Variants in EXOC6B observed in about 807,000 individuals in gnomAD.
EXOC6B encodes SEC15 homolog B.
Under a neutral mutation model 113.5 loss-of-function variants are expected in EXOC6B, and 54 were observed. The observed-to-expected ratio is 0.48, with a 90% CI of 0.38 to 0.60. The LOEUF (loss-of-function observed/expected upper bound fraction) is 0.60. Among genes scored for constraint, EXOC6B ranks in the 20% least tolerant of loss-of-function variants. The probability of loss-of-function intolerance (pLI) is 0.00; values close to 1 mark genes in which losing one functional copy is unlikely to be tolerated. For synonymous variants in EXOC6B, 357 were observed against 339.0 expected, an observed-to-expected ratio of 1.05 and a Z score of -0.58; for missense variants, 797 against 977.5, an observed-to-expected ratio of 0.82 and a Z score of 2.46.
At chr2:72,443,555 G>A (rs2105338369) in intron 18 of EXOC6B, among the ~76,000 whole-genome samples, 1 of 152,184 alleles carries the variant, frequency 6.6e-6, no homozygotes, top group East Asian at 1.9e-4. Flanking sequence ...TCATTTTCAT[G>A]CTGCTGATAA....
rs1393401217 is a variant in EXOC6B, at chr2:72,568,215, T to C, written c.846+7277A>G. Among the ~76,000 whole-genome samples the C allele has an allele frequency of 5.3e-5, 8 of 152,060 alleles. No individual in the cohort carries two copies. In the East Asian group the frequency reaches 1.5e-3, roughly 29 times the overall value. On this transcript the variant is annotated intron_variant, in intron 7 of 21. Coordinates refer to ENST00000272427, the MANE Select transcript of EXOC6B (RefSeq NM_015189.3). ...CGAGATGTACCTGAACAGATGGATA[T>C]TAAGGGAGACTAAACAGACATAAAA...
At chr2:72,352,057 T>G (rs1178740561) in intron 19 of EXOC6B, among the ~76,000 whole-genome samples, 1 of 152,202 alleles carries the variant, frequency 6.6e-6, no homozygotes, top group Non-Finnish European at 1.5e-5. Context: ...TTCACCACAC[T>G]TGATGGGTAA....
chr2:72,750,762 A>C (rs973020082), intron 1 of EXOC6B, among the ~76,000 whole-genome samples: 1 of 152,100 alleles, frequency 6.6e-6, no homozygotes, highest in Non-Finnish European at 1.5e-5. Context: ...TTTTTAAAGT[A>C]GTCCCAGCAT....
chr2:72,215,253 G>T (rs1421373549), intron 20 of EXOC6B, among the ~76,000 whole-genome samples: 1 of 152,144 alleles, frequency 6.6e-6, no homozygotes, highest in Non-Finnish European at 1.5e-5. Flanking sequence ...GAGGTAGGAT[G>T]TTATGGAGGA....
At chr2:72,199,557 G>A (rs41392) in intron 20 of EXOC6B, among the ~76,000 whole-genome samples, 71,422 of 152,046 alleles carry the variant, frequency 0.47, 21,759 homozygotes, top group African/African-American at 0.87. Context: ...GAAACAGTGA[G>A]GTTTTAAATT....
intron 1 of EXOC6B, among the ~76,000 whole-genome samples, chr2:72,821,939 TA>T (rs1194549475): frequency 6.6e-6 from 1 of 152,206 alleles, no homozygotes; most frequent in Non-Finnish European, 1.5e-5. Flanking sequence ...TTTAAATGGG[TA>T]AATTGTATGA....
At chr2:72,555,766 C>A (rs914558614) in intron 8 of EXOC6B, among the ~76,000 whole-genome samples, 1 of 152,120 alleles carries the variant, frequency 6.6e-6, no homozygotes, top group African/African-American at 2.4e-5. Context: ...CCTGCCTCAG[C>A]CTCCTGAGTA....
At chr2:72,307,368 G>A (rs563776299) in intron 20 of EXOC6B, among the ~76,000 whole-genome samples, 10 of 151,826 alleles carry the variant, frequency 6.6e-5, no homozygotes, top group South Asian at 6.3e-4. Flanking sequence ...GGATGGTCTC[G>A]ATCTCCTGAC....
At chr2:72,482,645 G>A (rs650352) in intron 16 of EXOC6B, among the ~76,000 whole-genome samples, 21,724 of 152,042 alleles carry the variant, frequency 0.14, 1,984 homozygotes, top group African/African-American at 0.26. Context: ...CAAGCTGTAG[G>A]ATATTAAACA....
chr2:72,809,765 A>C (rs1685777101), intron 1 of EXOC6B, among the ~76,000 whole-genome samples: 1 of 152,210 alleles, frequency 6.6e-6, no homozygotes, highest in Admixed American at 6.5e-5. Flanking sequence ...AATCTGAAAT[A>C]AGAAACAGAT....
At chr2:72,397,669 T>A (rs1455473561) in intron 18 of EXOC6B, among the ~76,000 whole-genome samples, 4 of 120,242 alleles carry the variant, frequency 3.3e-5, no homozygotes, top group African/African-American at 1.9e-4. Context: ...ATTATATATA[T>A]ATACACTCAT....
At chr2:72,216,852 G>A (rs766552837) in intron 20 of EXOC6B, among the ~76,000 whole-genome samples, 2 of 152,022 alleles carry the variant, frequency 1.3e-5, no homozygotes, top group South Asian at 4.2e-4. Flanking sequence ...CCTGAACAAT[G>A]AGAACACATG....
Position 72,287,646 on chromosome 2 carries a change from A to G in EXOC6B, c.2196+47301T>C, listed in dbSNP as rs146126027. Among the ~76,000 whole-genome samples the G allele has an allele frequency of 5.9e-3, 891 of 152,110 alleles. 2 individuals carry two copies. Among genetic ancestry groups the G allele is most frequent in the South Asian group, 0.011 (53 of 4,822 alleles). ...TGCAGATCCTACAGATATTAAAAAT[A>G]TAATGAGAGAATATTATGAATGACT... On this transcript the variant is annotated intron_variant, in intron 20 of 21. Transcript: ENST00000272427.
intron 20 of EXOC6B, among the ~76,000 whole-genome samples, chr2:72,322,248 A>T (rs1687880332): frequency 6.6e-6 from 1 of 152,222 alleles, no homozygotes; most frequent in Admixed American, 6.5e-5. Flanking sequence ...ATAAAAAAGA[A>T]TGAACTATTG....
chr2:72,200,190 C>T (rs1042239371), intron 20 of EXOC6B, among the ~76,000 whole-genome samples: 7 of 152,158 alleles, frequency 4.6e-5, no homozygotes, highest in Admixed American at 1.3e-4. Flanking sequence ...AGCCACTGCA[C>T]CCGGCTTGAG....
At chr2:72,604,163 C>A (rs62150266) in intron 6 of EXOC6B, among the ~76,000 whole-genome samples, 3 of 152,100 alleles carry the variant, frequency 2.0e-5, no homozygotes, top group African/African-American at 4.8e-5. Flanking sequence ...GTGACTCTAA[C>A]AAACTTAGGA....
chr2:72,737,608 CTT>C (rs1409443139), intron 2 of EXOC6B, among the ~76,000 whole-genome samples: 1 of 152,146 alleles, frequency 6.6e-6, no homozygotes, highest in African/African-American at 2.4e-5. Flanking sequence ...AATCCCAGCA[CTT>C]TGAGAGGATG....
intron 8 of EXOC6B, among the ~76,000 whole-genome samples, chr2:72,545,717 T>C (rs1185370725): frequency 1.3e-5 from 2 of 152,190 alleles, no homozygotes; most frequent in South Asian, 4.1e-4. Flanking sequence ...TGTTAATATA[T>C]ATAAACAACA....
intron 1 of EXOC6B, among the ~76,000 whole-genome samples, chr2:72,801,343 A>C (rs2105082585): frequency 6.6e-6 from 1 of 152,354 alleles, no homozygotes; most frequent in African/African-American, 2.4e-5. Context: ...AAAGAAGATA[A>C]GTGTGCTCTC....
Sources: gnomAD v4.1 joint callset for allele counts (sites outside exome capture counted in the v4.1 genomes callset) on GRCh38, gnomAD v4.1.1 for gene constraint, MANE v1.5 for transcripts, NCBI Gene and HGNC (gene_info 2026-07-23, HGNC 2026-07-21) for gene names.